Variants in STPG2 observed in about 807,000 individuals in gnomAD.
STPG2 encodes sperm tail PG-rich repeat containing 2.
In STPG2, 56 loss-of-function variants were observed where a neutral mutation model predicts 54.2. That is an observed-to-expected ratio of 1.03 (90% CI 0.83 to 1.29). The LOEUF (loss-of-function observed/expected upper bound fraction) is 1.29, where lower values mean the gene tolerates loss of function less well. Ranked by LOEUF, STPG2 falls within the 50% of genes most tolerant of loss-of-function variation. The pLI, the probability that STPG2 is intolerant of heterozygous loss-of-function variation, is 0.00. For missense variants in STPG2, 596 were observed against 544.9 expected, an observed-to-expected ratio of 1.09 and a Z score of -0.93; for synonymous variants, 200 against 181.8, an observed-to-expected ratio of 1.10 and a Z score of -0.81.
At chr4:97,624,548 C>T (rs1347483306) in intron 10 of STPG2, among the ~76,000 whole-genome samples, 3 of 152,126 alleles carry the variant, frequency 2.0e-5, no homozygotes, top group Admixed American at 2.0e-4. Flanking sequence ...GGATAGGTTG[C>T]AAAAAATTTC....
intron 9 of STPG2, among the ~76,000 whole-genome samples, chr4:97,819,339 C>T (rs1728013455): frequency 6.6e-6 from 1 of 152,008 alleles, no homozygotes; most frequent in African/African-American, 2.4e-5. Context: ...TTAATTTTTA[C>T]ACAACAGTGA....
At chr4:97,527,065 A>G (rs1414637040) in intron 4 of STPG2, among the ~76,000 whole-genome samples, 1 of 151,682 alleles carries the variant, frequency 6.6e-6, no homozygotes, top group African/African-American at 2.4e-5. Flanking sequence ...TTTGTTATAT[A>G]GGTATACACA....
chr4:97,649,229 A>G (rs999881848), intron 10 of STPG2, among the ~76,000 whole-genome samples: 1 of 152,130 alleles, frequency 6.6e-6, no homozygotes, highest in African/African-American at 2.4e-5. Flanking sequence ...TAAGTCAGGT[A>G]ATTATTTCAC....
At chr4:97,782,462 A>G (rs1432306417) in intron 9 of STPG2, among the ~76,000 whole-genome samples, 1 of 152,198 alleles carries the variant, frequency 6.6e-6, no homozygotes, top group Non-Finnish European at 1.5e-5. Flanking sequence ...TTCCATGCTC[A>G]TGGATAGGAA....
intron 4 of STPG2, among the ~76,000 whole-genome samples, chr4:97,457,064 A>C (rs907769161): frequency 3.3e-5 from 5 of 152,176 alleles, no homozygotes; most frequent in Admixed American, 2.6e-4. Context: ...ACCACTACCT[A>C]CTGATCCGAA....
intron 7 of STPG2, among the ~76,000 whole-genome samples, chr4:97,952,563 T>G (rs935881283): frequency 1.3e-5 from 2 of 151,942 alleles, no homozygotes; most frequent in Non-Finnish European, 2.9e-5. Flanking sequence ...AGTAACCCAG[T>G]GGAGTTGCCA....
intron 5 of STPG2, among the ~76,000 whole-genome samples, chr4:98,036,087 A>G (rs1417755508): frequency 6.6e-6 from 1 of 152,144 alleles, no homozygotes; most frequent in African/African-American, 2.4e-5. Flanking sequence ...CAGAACTTAA[A>G]GTATAATAAA....
intron 4 of STPG2, among the ~76,000 whole-genome samples, chr4:97,492,096 G>C (rs1730515034): frequency 6.6e-6 from 1 of 151,314 alleles, no homozygotes; most frequent in Non-Finnish European, 1.5e-5. Context: ...ACACCTAGAT[G>C]GTCATCTCGT....
chr4:97,779,513 T>A (rs768553773), intron 9 of STPG2, among the ~76,000 whole-genome samples: 2 of 152,080 alleles, frequency 1.3e-5, no homozygotes, highest in Non-Finnish European at 2.9e-5. Context: ...CTCTGCAGGA[T>A]ATTATCCAGG....
intron 10 of STPG2, among the ~76,000 whole-genome samples, chr4:97,686,638 C>A (rs1391046226): frequency 6.6e-6 from 1 of 151,984 alleles, no homozygotes; most frequent in Non-Finnish European, 1.5e-5. Context: ...TGAAACGTGA[C>A]TCCTCCCCTT....
chr4:97,602,263 A>G (rs962094209), intron 10 of STPG2, among the ~76,000 whole-genome samples: 1 of 151,744 alleles, frequency 6.6e-6, no homozygotes, highest in African/African-American at 2.4e-5. Flanking sequence ...ATTTCACCAA[A>G]TCTAATAGCT....
rs200937342 is a variant in STPG2, at chr4:98,105,927, T to C, written c.612+26A>G. On this transcript the variant is annotated intron_variant, in intron 5 of 10. Coordinates refer to ENST00000295268, the MANE Select transcript of STPG2 (RefSeq NM_174952.3). ...CAATGATCTTAAAATTGGGAAAATA[T>C]ATGCATTAGCCACTTTTCAACTTAC... is the stretch of plus-strand genomic sequence containing the variant. 11 of 1,525,070 alleles carry C rather than the reference T, an allele frequency of 7.2e-6. No individual in the cohort carries two copies. In the Admixed American group the frequency reaches 1.3e-4, roughly 18 times the overall value. 94.5% of individuals were successfully genotyped at this position (1,525,070 alleles called of 1,614,324 possible).
intron 5 of STPG2, among the ~76,000 whole-genome samples, chr4:98,056,048 T>G (rs1737471980): frequency 6.6e-6 from 1 of 152,104 alleles, no homozygotes; most frequent in Admixed American, 6.5e-5. Context: ...CTGGTATGTG[T>G]CTGCACAGGC....
chr4:97,680,287 T>C (rs1722991538), intron 10 of STPG2, among the ~76,000 whole-genome samples: 2 of 151,776 alleles, frequency 1.3e-5, no homozygotes, highest in African/African-American at 2.4e-5. Flanking sequence ...TTTGTTTGTA[T>C]CCTCTTTTAT....
intron 4 of STPG2, among the ~76,000 whole-genome samples, chr4:97,464,334 A>G (rs986832503): frequency 1.3e-5 from 2 of 152,164 alleles, no homozygotes; most frequent in African/African-American, 4.8e-5. Flanking sequence ...AGATTACTTA[A>G]TACTTTGGAA....
intron 8 of STPG2, among the ~76,000 whole-genome samples, chr4:97,872,610 G>C (rs996901294): frequency 6.6e-6 from 1 of 151,152 alleles, no homozygotes; most frequent in African/African-American, 2.4e-5. Flanking sequence ...TCTGAAATAT[G>C]CAAAATTAGA....
chr4:97,816,295 G>A lies in STPG2; in HGVS notation c.1204+24478C>T, dbSNP rs180793986. Among the ~76,000 whole-genome samples, 878 of 152,196 alleles carry A rather than the reference G, an allele frequency of 5.8e-3. 5 individuals are homozygous for A. Among genetic ancestry groups the A allele is most frequent in the Middle Eastern group, 0.02 (6 of 294 alleles). ...CAATCTATCATTGATAGTCATTTGCGTTGGTTCCAAGTCTTTGCTATTGTG... is the reference window on the plus strand; with the variant it reads ...CAATCTATCATTGATAGTCATTTGCATTGGTTCCAAGTCTTTGCTATTGTG... On this transcript the variant is annotated intron_variant, in intron 9 of 10. Coordinates refer to ENST00000295268, the MANE Select transcript of STPG2 (RefSeq NM_174952.3).
intron 4 of STPG2, among the ~76,000 whole-genome samples, chr4:97,456,813 G>T (rs952538661): frequency 6.7e-6 from 1 of 148,930 alleles, no homozygotes. Context: ...GGAGAATGGC[G>T]TGAATCCAGG....
At chr4:97,728,538 G>A (rs1466562259) in intron 9 of STPG2, among the ~76,000 whole-genome samples, 1 of 151,746 alleles carries the variant, frequency 6.6e-6, no homozygotes, top group East Asian at 1.9e-4. Flanking sequence ...TTCCTCTCTT[G>A]TATGACCAGA....
Sources: gnomAD v4.1 joint callset for allele counts (sites outside exome capture counted in the v4.1 genomes callset) on GRCh38, gnomAD v4.1.1 for gene constraint, MANE v1.5 for transcripts, NCBI Gene and HGNC (gene_info 2026-07-23, HGNC 2026-07-21) for gene names.